Variants in LRP1B observed in about 807,000 individuals in gnomAD.
LRP1B encodes the protein LDL receptor related protein 1B.
LRP1B carries 217 observed loss-of-function variants against 556.6 expected under a neutral mutation model. The observed-to-expected ratio is 0.39, with a 90% CI of 0.35 to 0.44. LRP1B has a LOEUF of 0.44. LRP1B is among the 20% of genes least tolerant of loss of function. LRP1B has a pLI of 1.00. For synonymous variants in LRP1B, 2,047 were observed against 1,865.8 expected, an observed-to-expected ratio of 1.10 and a Z score of -2.50; for missense variants, 5,053 against 5,620.8, an observed-to-expected ratio of 0.90 and a Z score of 3.23.
chr2:140,622,684 G>C (rs961046322), intron 41 of LRP1B, among the ~76,000 whole-genome samples: 1 of 152,018 alleles, frequency 6.6e-6, no homozygotes, highest in Non-Finnish European at 1.5e-5. Flanking sequence ...GAAATCATTC[G>C]GAACAGAAAG....
chr2:141,610,778 G>T (rs1688082010), intron 2 of LRP1B, among the ~76,000 whole-genome samples: 1 of 152,194 alleles, frequency 6.6e-6, no homozygotes, highest in Non-Finnish European at 1.5e-5. Context: ...AATGCTGGTT[G>T]AATGCAAAGC....
intron 1 of LRP1B, among the ~76,000 whole-genome samples, chr2:142,112,904 GA>G (rs1707053849): frequency 6.6e-6 from 1 of 152,086 alleles, no homozygotes; most frequent in African/African-American, 2.4e-5. Flanking sequence ...TAAAGTCATG[GA>G]TTAAAGGACT....
chr2:141,475,231 T>G (rs6429893), intron 3 of LRP1B, among the ~76,000 whole-genome samples: 145,774 of 152,130 alleles, frequency 0.96, 70,163 homozygotes, highest in East Asian at 1. Context: ...AAATTAGCTG[T>G]TGGCACAGGC....
intron 6 of LRP1B, among the ~76,000 whole-genome samples, chr2:141,228,558 C>T (rs539730418): frequency 2.0e-4 from 29 of 144,876 alleles, no homozygotes; most frequent in Non-Finnish European, 4.1e-4. Context: ...AATATGTGTG[C>T]ATCCCTGGGT....
chr2:141,438,273 G>T (rs1405481994), intron 3 of LRP1B, among the ~76,000 whole-genome samples: 1 of 151,870 alleles, frequency 6.6e-6, no homozygotes, highest in Non-Finnish European at 1.5e-5. Flanking sequence ...ACTTTTCTTG[G>T]TGTGTGTATG....
chr2:140,374,981 C>T (rs1458474575), intron 68 of LRP1B, among the ~76,000 whole-genome samples: 2 of 151,968 alleles, frequency 1.3e-5, no homozygotes, highest in African/African-American at 4.8e-5. Flanking sequence ...AACTATTTCT[C>T]GTTCTTCAGT....
intron 1 of LRP1B, among the ~76,000 whole-genome samples, chr2:141,993,117 T>A (rs965908976): frequency 9.2e-5 from 14 of 152,112 alleles, no homozygotes; most frequent in Non-Finnish European, 8.8e-5. Context: ...ATTGCTTGCA[T>A]TTCTGTTGGA....
At chr2:141,821,725 T>C (rs1282599661) in intron 1 of LRP1B, among the ~76,000 whole-genome samples, 1 of 152,154 alleles carries the variant, frequency 6.6e-6, no homozygotes, top group Non-Finnish European at 1.5e-5. Flanking sequence ...TATTGGATGC[T>C]ACCAAATGTG....
At chr2:142,091,606 A>G (rs1474616330) in intron 1 of LRP1B, among the ~76,000 whole-genome samples, 2 of 152,172 alleles carry the variant, frequency 1.3e-5, no homozygotes, top group African/African-American at 2.4e-5. Flanking sequence ...ATTTCTTTCT[A>G]TATGTGAAAA....
At chr2:140,664,362 T>C (rs573209210) in intron 41 of LRP1B, among the ~76,000 whole-genome samples, 6 of 152,258 alleles carry the variant, frequency 3.9e-5, no homozygotes, top group Non-Finnish European at 5.9e-5. Flanking sequence ...GAGATCTCCC[T>C]TCTATCTATC....
intron 1 of LRP1B, among the ~76,000 whole-genome samples, chr2:142,099,666 A>T (rs1343187400): frequency 6.6e-6 from 1 of 151,934 alleles, no homozygotes; most frequent in Non-Finnish European, 1.5e-5. Context: ...TTGCCAGACC[A>T]AATTCTTCTC....
chr2:140,798,557 G>T (rs1690398349), intron 32 of LRP1B, among the ~76,000 whole-genome samples: 1 of 152,084 alleles, frequency 6.6e-6, no homozygotes, highest in Admixed American at 6.6e-5. Context: ...GGCTATGAAG[G>T]TTAGAAGGGG....
chr2:141,508,503 C>A (rs4396652), intron 2 of LRP1B, among the ~76,000 whole-genome samples: 148,340 of 152,266 alleles, frequency 0.97, 72,368 homozygotes, highest in East Asian at 1. Context: ...TACACTTAGC[C>A]TAGCTAGGGA....
intron 49 of LRP1B, among the ~76,000 whole-genome samples, chr2:140,525,238 AT>A (rs528139887): frequency 2.6e-5 from 4 of 151,416 alleles, no homozygotes; most frequent in East Asian, 1.9e-4. Context: ...TCTTTTTATA[AT>A]TTTTTTTTAA....
At chr2:140,813,568 G>T in intron 32 of LRP1B, 89 bp downstream of exon 32, 1 of 1,111,986 alleles carries the variant, frequency 9.0e-7, no homozygotes, top group Non-Finnish European at 1.3e-6. Context: ...TGTTAGTGGA[G>T]CAGTAACTTT....
At chr2:141,195,673 C>A (rs868538058) in intron 6 of LRP1B, among the ~76,000 whole-genome samples, 3 of 152,042 alleles carry the variant, frequency 2.0e-5, no homozygotes, top group Non-Finnish European at 4.4e-5. Context: ...AGAGGATAAT[C>A]CGTAAATGCT....
chr2:141,750,321 C>T (rs1182068529), intron 2 of LRP1B, among the ~76,000 whole-genome samples: 2 of 152,094 alleles, frequency 1.3e-5, no homozygotes, highest in African/African-American at 4.8e-5. Flanking sequence ...TAGAAAGATG[C>T]TTTTGATTAA....
intron 2 of LRP1B, among the ~76,000 whole-genome samples, chr2:141,721,883 A>G (rs1692827627): frequency 6.6e-6 from 1 of 152,148 alleles, no homozygotes; most frequent in African/African-American, 2.4e-5. Context: ...AAAACGACCA[A>G]ACCAGACCTT....
chr2:141,268,638 G>A (rs368548541), intron 3 of LRP1B, among the ~76,000 whole-genome samples: 3 of 152,108 alleles, frequency 2.0e-5, no homozygotes, highest in African/African-American at 7.2e-5. Context: ...TGAGAATAGT[G>A]GAAATGGGAG....
Sources: allele counts gnomAD v4.1 joint callset (sites outside exome capture counted in the v4.1 genomes callset), GRCh38; gene constraint gnomAD v4.1.1; transcripts MANE v1.5; gene names NCBI Gene and HGNC (gene_info 2026-07-23, HGNC 2026-07-21).